Variants in PCMT1 observed in about 807,000 individuals in gnomAD.
PCMT1 encodes the protein protein-L-isoaspartate (D-aspartate) O-methyltransferase.
PCMT1 carries 9 observed loss-of-function variants against 29.2 expected under a neutral mutation model. That is an observed-to-expected ratio of 0.31 (90% CI 0.19 to 0.54). The LOEUF (loss-of-function observed/expected upper bound fraction) is 0.54, where lower values mean the gene tolerates loss of function less well. Ranked by LOEUF, PCMT1 falls within the 20% of genes least tolerant of loss-of-function variation. PCMT1 has a pLI of 0.95. For synonymous variants in PCMT1, 98 were observed against 97.5 expected (o/e 1.00, Z -0.03); for missense variants, 184 against 282.2 (o/e 0.65, Z 2.49).
intron 1 of PCMT1, among the ~76,000 whole-genome samples, chr6:149,769,308 C>CTGTTTTTTTTTTTT (rs1787214241): frequency 4.2e-5 from 3 of 71,560 alleles, no homozygotes; most frequent in Non-Finnish European, 6.7e-5. Flanking sequence ...GTGCAGGATT[C>CTGTTTTTTTTTTTT]TTTTTTTTTT....
chr6:149,750,103 G>T, intron 1 of PCMT1, 147 bp downstream of exon 1: 1 of 1,174,728 alleles, frequency 8.5e-7, no homozygotes, highest in East Asian at 2.7e-5. Flanking sequence ...CCCGAACGGC[G>T]TGCGCTTGCA....
intron 2 of PCMT1, chr6:149,772,799 C>T (rs983359101): frequency 3.0e-5 from 10 of 337,624 alleles, no homozygotes; most frequent in Admixed American, 8.7e-5. Flanking sequence ...GGGTGGATCA[C>T]GAGGTCAGGA....
chr6:149,768,094 T>C (rs572276759), intron 1 of PCMT1, among the ~76,000 whole-genome samples: 1 of 149,688 alleles, frequency 6.7e-6, no homozygotes, highest in Non-Finnish European at 1.5e-5. Flanking sequence ...ATGCCCGACC[T>C]GTTTGTTTGT....
At chr6:149,776,813 T>C (rs1011426699) in intron 3 of PCMT1, among the ~76,000 whole-genome samples, 1 of 152,204 alleles carries the variant, frequency 6.6e-6, no homozygotes, top group African/African-American at 2.4e-5. Context: ...ATACTTTGTA[T>C]TGGAAATGGA....
intron 3 of PCMT1, among the ~76,000 whole-genome samples, chr6:149,777,587 T>G (rs899417621): frequency 6.6e-6 from 1 of 152,170 alleles, no homozygotes; most frequent in Non-Finnish European, 1.5e-5. Flanking sequence ...TCCCAAAGGG[T>G]ATTTAGAATA....
Position 149,796,500 on chromosome 6 carries a change from G to A in PCMT1, c.504G>A (p.Ala168=), listed in dbSNP as rs374521251. Residue 168 remains alanine (A), a splice_region_variant and synonymous_variant, in exon 6 of 8, where the codon GCG becomes GCA. Coordinates refer to ENST00000464889, the MANE Select transcript of PCMT1 (RefSeq NM_001360452.2). ...CTGCAGCCCCTGTTGTACCCCAGGCGGTGAGTCGGGATTTTTTCTGTTTGT... is the reference window on the plus strand; with the variant it reads ...CTGCAGCCCCTGTTGTACCCCAGGCAGTGAGTCGGGATTTTTTCTGTTTGT... The part of the protein sequence containing the change: ...VGAAAPVVPQ[A]LIDQLKPGGR... 3.0e-5 allele frequency: 48 copies of A among 1,608,616 alleles called. No individual in the cohort carries two copies. The South Asian group carries it at 3.3e-4, about 11-fold the overall frequency.
rs1175994383 is a variant in PCMT1 at position 149,762,584 on chromosome 6, TATATATCTATG to T, written c.56-8571_56-8561del. On this transcript the variant is annotated intron_variant, in intron 1 of 7. Coordinates refer to ENST00000464889, the MANE Select transcript of PCMT1 (RefSeq NM_001360452.2). ...ATCTATGATATATATATCTATGATA[TATATATCTATG>T]ATATATATATCTATGATATATATAT... Among the ~76,000 whole-genome samples the T allele has an allele frequency of 6.0e-4, 31 of 51,392 alleles. 2 individuals are homozygous for T. The highest frequency in any genetic ancestry group is 8.1e-4 in the African/African-American group (5 of 6,150). The allele number at this position is 51,392 out of a possible 152,430, so 33.7% of individuals were successfully genotyped here. A position where few individuals can be genotyped will look rare whatever the true frequency, so the allele number is the denominator to read the frequency against.
intron 3 of PCMT1, among the ~76,000 whole-genome samples, chr6:149,783,351 T>C (rs548230240): frequency 2.5e-4 from 38 of 152,280 alleles, no homozygotes; most frequent in Middle Eastern, 6.8e-3. Flanking sequence ...CAGCCTGGTC[T>C]CGAACTCTTG....
chr6:149,763,525 A>G (rs1786950534), intron 1 of PCMT1, among the ~76,000 whole-genome samples: 1 of 152,034 alleles, frequency 6.6e-6, no homozygotes, highest in African/African-American at 2.4e-5. Context: ...ATGGCATGCT[A>G]TTAATAACAA....
Position 149,793,679 on chromosome 6 carries a change from A to G in PCMT1, c.418+10A>G, listed in dbSNP as rs1168814932. 1.3e-6 allele frequency: 2 copies of G among 1,528,494 alleles called. No individual in the cohort carries two copies. Among genetic ancestry groups the G allele is most frequent in the South Asian group, 1.3e-5 (1 of 74,510 alleles). The allele number at this position is 1,528,494 out of a possible 1,614,324, so 94.7% of individuals were successfully genotyped here. A position where few individuals can be genotyped will look rare whatever the true frequency, so the allele number is the denominator to read the frequency against. The stretch of plus-strand genomic sequence containing the variant: ...AGAGTACAGCTTGTTGGTAAGTATC[A>G]GAAAACTTTAAAAATTTCTTCAGAG... On this transcript the variant is annotated intron_variant, in intron 5 of 7. Transcript: ENST00000464889.
intron 1 of PCMT1, among the ~76,000 whole-genome samples, chr6:149,758,082 C>G (rs959436499): frequency 1.3e-5 from 2 of 151,888 alleles, no homozygotes; most frequent in African/African-American, 4.8e-5. Flanking sequence ...TGGGGTTTCA[C>G]CATGTTGGCC....
intron 1 of PCMT1, among the ~76,000 whole-genome samples, chr6:149,759,150 C>T (rs182199861): frequency 7.9e-5 from 12 of 152,312 alleles, no homozygotes; most frequent in African/African-American, 2.6e-4. Flanking sequence ...GCTGGGATTA[C>T]AGGCGTGAGC....
chr6:149,787,459 CG>C (rs1242802461), intron 3 of PCMT1, among the ~76,000 whole-genome samples: 1 of 151,866 alleles, frequency 6.6e-6, no homozygotes, highest in African/African-American at 2.4e-5. Context: ...ATCCACCTCC[CG>C]GGTTCAAGCG....
intron 5 of PCMT1, chr6:149,795,579 G>T: frequency 1.9e-6 from 1 of 524,144 alleles, no homozygotes; most frequent in South Asian, 1.8e-5. Context: ...ACAACCCAAT[G>T]AGAAAGGAGA....
chr6:149,768,572 C>T (rs561288974), intron 1 of PCMT1, among the ~76,000 whole-genome samples: 1 of 151,344 alleles, frequency 6.6e-6, no homozygotes, highest in South Asian at 2.1e-4. Flanking sequence ...CTACCTTAGC[C>T]TCTGAGTAGC....
chr6:149,762,162 G>T (rs976345002), intron 1 of PCMT1, among the ~76,000 whole-genome samples: 1 of 151,800 alleles, frequency 6.6e-6, no homozygotes, highest in Non-Finnish European at 1.5e-5. Context: ...GTTGGGAAAA[G>T]AAACATATTT....
At chr6:149,778,247 G>A (rs1047757415) in intron 3 of PCMT1, among the ~76,000 whole-genome samples, 12 of 144,762 alleles carry the variant, frequency 8.3e-5, no homozygotes, top group African/African-American at 2.8e-4. Flanking sequence ...TATTATTTTT[G>A]AGATGGAGTC....
chr6:149,810,567 G>A (rs1188030719), intron 7 of PCMT1, 49 bp from the exon 8 acceptor site: 1 of 1,454,338 alleles, frequency 6.9e-7, no homozygotes, highest in African/African-American at 1.4e-5. Context: ...AAGCCAAATT[G>A]GGTAGTGTGT....
At chr6:149,810,480 C>T (rs1776131384) in intron 7 of PCMT1, 136 bp from the exon 8 acceptor site, 4 of 599,904 alleles carry the variant, frequency 6.7e-6, no homozygotes, top group Non-Finnish European at 1.1e-5. Flanking sequence ...GGGTTGTTTG[C>T]ATTTTTATTT....
Sources: allele counts gnomAD v4.1 joint callset (sites outside exome capture counted in the v4.1 genomes callset), GRCh38; gene constraint gnomAD v4.1.1; transcripts MANE v1.5; gene names NCBI Gene and HGNC (gene_info 2026-07-23, HGNC 2026-07-21).